DLG1: variants seen among roughly 807,000 people sequenced by gnomAD.
The protein encoded by DLG1 is disks large homolog 1.
In DLG1, 42 loss-of-function variants were observed where a neutral mutation model predicts 123.4. The observed-to-expected ratio is 0.34, with a 90% CI of 0.27 to 0.44. The LOEUF (loss-of-function observed/expected upper bound fraction) is 0.44, where lower values mean the gene tolerates loss of function less well. Among genes scored for constraint, DLG1 ranks in the 20% least tolerant of loss-of-function variants. DLG1 has a pLI of 1.00. For missense variants in DLG1, 942 were observed against 1,082.6 expected, an observed-to-expected ratio of 0.87 and a Z score of 1.82; for synonymous variants, 317 against 356.2, an observed-to-expected ratio of 0.89 and a Z score of 1.24.
chr3:197,080,266 CCTT>C lies in DLG1; in HGVS notation c.1905+782_1905+784del, dbSNP rs1442388363. On this transcript the variant is annotated intron_variant, in intron 17 of 24. Coordinates refer to ENST00000667157, the MANE Select transcript of DLG1 (RefSeq NM_001366207.1). Reference sequence around the variant, plus strand: ...ATATGATGAAAGAATTGATATATTTCCTTTTTTTTTTTTTTTTTTTTTTTTTTT... The same window carrying C: ...ATATGATGAAAGAATTGATATATTTCTTTTTTTTTTTTTTTTTTTTTTTTT... Among the ~76,000 whole-genome samples, 16 of 100,834 alleles carry C rather than the reference CCTT, an allele frequency of 1.6e-4. 1 individual carries two copies. Among genetic ancestry groups the C allele is most frequent in the Non-Finnish European group, 2.8e-4 (15 of 52,718 alleles). 66.2% of individuals were successfully genotyped at this position (100,834 alleles called of 152,430 possible). A position where few individuals can be genotyped will look rare whatever the true frequency, so the allele number is the denominator to read the frequency against.
At chr3:197,139,517 G>A (rs1224909599) in intron 8 of DLG1, among the ~76,000 whole-genome samples, 2 of 151,850 alleles carry the variant, frequency 1.3e-5, no homozygotes, top group Non-Finnish European at 2.9e-5. Context: ...AAGGAAATAG[G>A]AAAAATGACA....
rs544827081 is a variant in DLG1, at chr3:197,259,488, A to G, written c.318+23191T>C. Among the ~76,000 whole-genome samples, 7 of 152,306 alleles carry G rather than the reference A, an allele frequency of 4.6e-5. No homozygotes were observed. The East Asian group carries it at 1.2e-3, about 25-fold the overall frequency. On this transcript the variant is annotated intron_variant, in intron 4 of 24. Coordinates refer to ENST00000667157, the MANE Select transcript of DLG1 (RefSeq NM_001366207.1). Reference sequence around the variant, plus strand: ...AATTTACCTACTCTTTTATTACTGAATGTAATTTTAAAATCTCAACAAGTT... The same window carrying G: ...AATTTACCTACTCTTTTATTACTGAGTGTAATTTTAAAATCTCAACAAGTT...
intron 4 of DLG1, among the ~76,000 whole-genome samples, chr3:197,273,774 A>T (rs2151069092): frequency 7.2e-6 from 1 of 139,360 alleles, no homozygotes; most frequent in East Asian, 2.4e-4. Flanking sequence ...TAAAAAAATC[A>T]GTAGTATTTC....
At chr3:197,250,434 T>C (rs1343400491) in intron 4 of DLG1, among the ~76,000 whole-genome samples, 2 of 151,860 alleles carry the variant, frequency 1.3e-5, no homozygotes, top group Non-Finnish European at 2.9e-5. Flanking sequence ...CTGGGCGTCA[T>C]GGTGGGCACC....
At chr3:197,196,395 G>C (rs954801563) in intron 4 of DLG1, among the ~76,000 whole-genome samples, 2 of 152,020 alleles carry the variant, frequency 1.3e-5, no homozygotes, top group Non-Finnish European at 2.9e-5. Flanking sequence ...AATAAAAAAA[G>C]GTTCTCTAAC....
At chr3:197,180,303 T>C (rs1809519100) in intron 5 of DLG1, among the ~76,000 whole-genome samples, 3 of 152,134 alleles carry the variant, frequency 2.0e-5, no homozygotes, top group South Asian at 2.1e-4. Flanking sequence ...TGGAGTTCTA[T>C]AAAACCCTGC....
intron 11 of DLG1, among the ~76,000 whole-genome samples, chr3:197,124,260 C>G (rs1777877764): frequency 6.6e-6 from 1 of 152,070 alleles, no homozygotes; most frequent in Non-Finnish European, 1.5e-5. Context: ...TAGACTTTCC[C>G]CATTTCTTTA....
intron 13 of DLG1, among the ~76,000 whole-genome samples, chr3:197,107,197 C>T (rs1766968050): frequency 6.6e-6 from 1 of 151,954 alleles, no homozygotes; most frequent in South Asian, 2.1e-4. Flanking sequence ...TGTATCAGTA[C>T]TTCATTCCTT....
intron 8 of DLG1, among the ~76,000 whole-genome samples, chr3:197,139,565 A>G (rs1354182912): frequency 6.6e-6 from 1 of 152,230 alleles, no homozygotes; most frequent in African/African-American, 2.4e-5. Flanking sequence ...TTTGCAAAAT[A>G]TATCTTCCAA....
In DLG1 at chr3:197,194,607, A is replaced by G; in HGVS notation, c.319-18T>C. ...CTGTATTTCTGTAAAGAAAATAAAC[A>G]TGAAGAAGCCCTGATAAGCAACATG... On this transcript the variant is annotated intron_variant, in intron 4 of 24. Coordinates refer to ENST00000667157, the MANE Select transcript of DLG1 (RefSeq NM_001366207.1). The G allele has an allele frequency of 6.4e-7, 1 of 1,564,304 alleles. No individual in the cohort carries two copies. Among genetic ancestry groups the G allele is most frequent in the Non-Finnish European group, 8.6e-7 (1 of 1,160,530 alleles).
At position 197,152,689 on chromosome 3, in the gene DLG1, GGAGGTGGAGCTTGCAGTGAGCCGA is replaced by G. The variant is rs1299194090; in HGVS notation, c.484-2917_484-2894del. 5.4e-5 allele frequency among the ~76,000 whole-genome samples: 8 copies of G among 147,866 alleles called. No individual in the cohort carries two copies. The East Asian group carries it at 1.2e-3, about 22-fold the overall frequency. ...GAGGCAGGAGAATGGTGTGAACCCA[GGAGGTGGAGCTTGCAGTGAGCCGA>G]GACAGCACCACTGCACTCCAGCCTG... On this transcript the variant is annotated intron_variant, in intron 5 of 24. Transcript: ENST00000667157.
intron 5 of DLG1, among the ~76,000 whole-genome samples, chr3:197,186,121 C>T (rs1198135369): frequency 6.6e-6 from 1 of 152,108 alleles, no homozygotes; most frequent in Non-Finnish European, 1.5e-5. Context: ...TGTTACATGA[C>T]CTACAAAAAT....
Position 197,225,173 on chromosome 3 carries a change from C to T in DLG1, c.319-30584G>A, listed in dbSNP as rs140137820. ...CGGGGTTTCACCGTGTTAACCAGGACGGTCTCGATCTCCTGACCTCATGAT... is the reference window on the plus strand; with the variant it reads ...CGGGGTTTCACCGTGTTAACCAGGATGGTCTCGATCTCCTGACCTCATGAT... On this transcript the variant is annotated intron_variant, in intron 4 of 24. Coordinates refer to ENST00000667157, the MANE Select transcript of DLG1 (RefSeq NM_001366207.1). Among the ~76,000 whole-genome samples, 312 of 152,248 alleles carry T rather than the reference C, an allele frequency of 2.0e-3. 1 individual carries two copies. The highest frequency in any genetic ancestry group is 2.7e-3 in the Admixed American group (41 of 15,286).
chr3:197,250,976 C>G (rs965869348), intron 4 of DLG1, among the ~76,000 whole-genome samples: 2 of 126,446 alleles, frequency 1.6e-5, no homozygotes, highest in African/African-American at 3.2e-5. Context: ...GAGCAAGACT[C>G]CATCAAAAAA....
intron 4 of DLG1, among the ~76,000 whole-genome samples, chr3:197,274,694 CA>C (rs1765566633): frequency 6.6e-6 from 1 of 152,110 alleles, no homozygotes; most frequent in Admixed American, 6.6e-5. Context: ...AAACAACTTA[CA>C]GAATGGGAGA....
intron 5 of DLG1, among the ~76,000 whole-genome samples, chr3:197,193,824 CTTT>C (rs541980236): frequency 4.2e-5 from 6 of 143,746 alleles, no homozygotes; most frequent in South Asian, 2.2e-4. Flanking sequence ...TGTTAATGCT[CTTT>C]TTTTTTTTTT....
At chr3:197,176,624 T>C (rs988029311) in intron 5 of DLG1, among the ~76,000 whole-genome samples, 4 of 152,192 alleles carry the variant, frequency 2.6e-5, no homozygotes, top group Non-Finnish European at 5.9e-5. Flanking sequence ...CCATGTCTTT[T>C]CATGGCTTGA....
chr3:197,130,033 T>G (rs1199454901), intron 11 of DLG1, among the ~76,000 whole-genome samples: 2 of 152,142 alleles, frequency 1.3e-5, no homozygotes, highest in African/African-American at 4.8e-5. Context: ...TGAGAACATG[T>G]TGCTGAAGAA....
chr3:197,222,610 C>T (rs2044862), intron 4 of DLG1, among the ~76,000 whole-genome samples: 111,792 of 152,058 alleles, frequency 0.74, 41,197 homozygotes, highest in East Asian at 0.82. Context: ...CAAGGAGATA[C>T]GAACAAGTCC....
Sources: gnomAD v4.1 joint callset for allele counts (sites outside exome capture counted in the v4.1 genomes callset) on GRCh38, gnomAD v4.1.1 for gene constraint, MANE v1.5 for transcripts, NCBI Gene and HGNC (gene_info 2026-07-23, HGNC 2026-07-21) for gene names.